The following PGD variants were observed in gnomAD, a reference collection of about 807,000 sequenced individuals.
The protein encoded by PGD is 6-phosphogluconate dehydrogenase, decarboxylating.
Under a neutral mutation model 60.4 loss-of-function variants are expected in PGD, and 21 were observed. The observed-to-expected ratio is 0.35, with a 90% confidence interval of 0.25 to 0.50. The LOEUF (loss-of-function observed/expected upper bound fraction) is 0.50. Ranked by LOEUF, PGD falls within the 20% of genes least tolerant of loss-of-function variation. The pLI, the probability that PGD is intolerant of heterozygous loss-of-function variation, is 0.98. For missense variants in PGD, 477 were observed against 613.1 expected (o/e 0.78, Z 2.34); for synonymous variants, 230 against 235.9 (o/e 0.97, Z 0.23).
rs552028291 is a variant in PGD at position 10,399,826 on chromosome 1, C to T, written c.84+122C>T. On this transcript the variant is annotated intron_variant, in intron 2 of 12. Coordinates refer to ENST00000270776, the MANE Select transcript of PGD (RefSeq NM_002631.4). ...TTTGCTAATGTGCTCTGTTGCTGCT[C>T]GTGGCATTTTTGTATGGAAAGGAGA... The T allele has an allele frequency of 1.3e-5, 11 of 845,806 alleles. 1 individual carries two copies. The highest frequency in any genetic ancestry group is 5.2e-5 in the East Asian group (2 of 38,640). 52.4% of individuals were successfully genotyped at this position (845,806 alleles called of 1,614,324 possible).
Position 10,399,115 on chromosome 1 carries a change from G to C in PGD, c.-3G>C, listed in dbSNP as rs1639263313. 6.2e-7 allele frequency: 1 copy of C among 1,609,464 alleles called. No individual in the cohort carries two copies. Among genetic ancestry groups the C allele is most frequent in the African/African-American group, 1.3e-5 (1 of 74,892 alleles). On this transcript the variant is annotated 5_prime_UTR_variant, in exon 1 of 13. Coordinates refer to ENST00000270776, the MANE Select transcript of PGD (RefSeq NM_002631.4). ...GCTCTTCGGTTCTGCTCTGTCCGCC[G>C]CCATGGCCCAGTGAGTGACTCGCCA...
At chr1:10,419,579 G>A (rs560262109) in intron 12 of PGD, 40 bp downstream of exon 12, 19 of 1,613,800 alleles carry the variant, frequency 1.2e-5, no homozygotes, top group South Asian at 1.1e-4. Flanking sequence ...CTGGCCCCTC[G>A]GGGGCGTGCG....
In PGD at chr1:10,420,254, A is replaced by G. The variant is rs577059758; in HGVS notation, c.*505A>G. ...AGACTAGAATAACACAAGAAACCAC[A>G]TTTAGGATTATGCTTCACTCAGAGG... On this transcript the variant is annotated 3_prime_UTR_variant, in exon 13 of 13. Coordinates refer to ENST00000270776, the MANE Select transcript of PGD (RefSeq NM_002631.4). The G allele has an allele frequency of 6.1e-4, 96 of 157,738 alleles. 2 individuals carry two copies. In the South Asian group the frequency reaches 0.017, roughly 28 times the overall value. The allele number at this position is 157,738 out of a possible 1,614,324, so 9.8% of individuals were successfully genotyped here. A position where few individuals can be genotyped will look rare whatever the true frequency, so the allele number is the denominator to read the frequency against.
Position 10,418,835 on chromosome 1 carries a change from A to G in PGD, c.1119A>G (p.Leu373=). Residue 373 remains leucine (L), a synonymous_variant, in exon 11 of 13, where the codon CTA becomes CTG. Coordinates refer to ENST00000270776, the MANE Select transcript of PGD (RefSeq NM_002631.4). ...CCCTTGATTATTTCAGTGTATTCCT[A>G]GGAAAGATAAAGGATGCATTTGATC... The part of the protein sequence containing the change: ...RGGCIIRSVF[L]GKIKDAFDRN... 6.4e-7 allele frequency: 1 copy of G among 1,570,546 alleles called. No homozygotes were observed. Among genetic ancestry groups the G allele is most frequent in the Non-Finnish European group, 8.8e-7 (1 of 1,141,992 alleles).
intron 6 of PGD, among the ~76,000 whole-genome samples, chr1:10,411,096 G>A (rs1376467898): frequency 2.0e-5 from 3 of 152,122 alleles, no homozygotes; most frequent in Admixed American, 6.6e-5. Context: ...GGGCTGGGAA[G>A]GTGGGGAGTT....
intron 7 of PGD, among the ~76,000 whole-genome samples, chr1:10,412,508 C>T (rs868537098): frequency 2.6e-5 from 4 of 152,146 alleles, no homozygotes; most frequent in Non-Finnish European, 4.4e-5. Flanking sequence ...CCTTAGTTTT[C>T]TTTCACAGAA....
intron 10 of PGD, among the ~76,000 whole-genome samples, 194 bp from the exon 11 acceptor site, chr1:10,418,632 G>T (rs1424123951): frequency 6.6e-6 from 1 of 151,956 alleles, no homozygotes; most frequent in Non-Finnish European, 1.5e-5. Flanking sequence ...AAAATTAGCC[G>T]GTTGTAGTGG....
At position 10,413,078 on chromosome 1, in the gene PGD, A is replaced by G. The variant is rs200926428; in HGVS notation, c.671A>G (p.Asn224Ser). Residue 224 changes from asparagine to serine, a missense_variant, in exon 8 of 13, where the codon AAT becomes AGT. Asn to Ser is a conservative substitution (Grantham distance 46). Coordinates refer to ENST00000270776, the MANE Select transcript of PGD (RefSeq NM_002631.4). ...DEMAQAFEDW[N>S]KTELDSFLIE... ...TGCATGTAGGCCTTTGAGGATTGGA[A>G]TAAGACAGAGCTAGACTCATTCCTG... 1.0e-4 allele frequency: 165 copies of G among 1,613,998 alleles called. No homozygotes were observed. Among genetic ancestry groups the G allele is most frequent in the Non-Finnish European group, 1.3e-4 (153 of 1,179,978 alleles).
intron 5 of PGD, among the ~76,000 whole-genome samples, 164 bp from the exon 6 acceptor site, chr1:10,407,907 C>T (rs972730050): frequency 5.3e-5 from 8 of 151,530 alleles, no homozygotes; most frequent in African/African-American, 1.9e-4. Context: ...TGAGATCACA[C>T]CACTGCATTC....
chr1:10,413,278 C>A, intron 8 of PGD, 27 bp downstream of exon 8: 2 of 1,585,858 alleles, frequency 1.3e-6, no homozygotes, highest in Non-Finnish European at 1.7e-6. Context: ...CACATGGGCC[C>A]TTTCGTCCAC....
At chr1:10,402,050 GTAA>G (rs930847378) in intron 3 of PGD, among the ~76,000 whole-genome samples, 87 of 151,798 alleles carry the variant, frequency 5.7e-4, no homozygotes, top group African/African-American at 1.9e-3. Context: ...AATTAATAAA[GTAA>G]TAATAATAAT....
chr1:10,408,847 G>A (rs1639450360), intron 6 of PGD, among the ~76,000 whole-genome samples: 1 of 152,316 alleles, frequency 6.6e-6, no homozygotes, highest in Non-Finnish European at 1.5e-5. Context: ...GGACTCTCAA[G>A]TCATCTGCCT....
rs534146547 is a variant in PGD at position 10,400,653 on chromosome 1, C to T, written c.264+81C>T. The T allele has an allele frequency of 3.6e-6, 4 of 1,108,114 alleles. No homozygotes were observed. In the Admixed American group the frequency reaches 1.2e-4, roughly 33 times the overall value. The allele number at this position is 1,108,114 out of a possible 1,614,324, so 68.6% of individuals were successfully genotyped here. On this transcript the variant is annotated intron_variant, in intron 3 of 12. Transcript: ENST00000270776. ...TCCTTTAGTTCTCCTTCTTTTAACT[C>T]TAGAGATTTTTTTTTTTCAATTTCT... is the stretch of plus-strand genomic sequence containing the variant.
intron 7 of PGD, 81 bp from the exon 8 acceptor site, chr1:10,412,981 T>G: frequency 8.3e-7 from 1 of 1,203,536 alleles, no homozygotes; most frequent in Non-Finnish European, 1.2e-6. Context: ...TGAGCATTGG[T>G]CAGCGTGGAC....
intron 3 of PGD, 93 bp from the exon 4 acceptor site, chr1:10,402,978 G>A: frequency 1.1e-6 from 1 of 894,444 alleles, no homozygotes; most frequent in Non-Finnish European, 1.9e-6. Context: ...ACTCTTTTTA[G>A]ACTATGTTTA....
chr1:10,411,258 A>G (rs887327021), intron 6 of PGD, among the ~76,000 whole-genome samples, 160 bp from the exon 7 acceptor site: 1 of 152,166 alleles, frequency 6.6e-6, no homozygotes, highest in Non-Finnish European at 1.5e-5. Flanking sequence ...TTGAATTGCT[A>G]TATGATTCTT....
chr1:10,402,648 G>T (rs896961853), intron 3 of PGD, among the ~76,000 whole-genome samples: 1 of 151,254 alleles, frequency 6.6e-6, no homozygotes, highest in African/African-American at 2.4e-5. Flanking sequence ...TCAGCCTCCC[G>T]AGTAGCTGGG....
Position 10,400,387 on chromosome 1 carries a change from T to C in PGD, c.85-6T>C. On this transcript the variant is annotated splice_region_variant and splice_polypyrimidine_tract_variant and intron_variant, in intron 2 of 12. Transcript: ENST00000270776. Reference sequence around the variant, plus strand: ...GATCTCCTACTCAGGACTTTTGTCCTTCTAGGTCTGTGCTTTTAATAGGAC... The same window carrying C: ...GATCTCCTACTCAGGACTTTTGTCCCTCTAGGTCTGTGCTTTTAATAGGAC... 1 of 1,610,138 alleles carries C rather than the reference T, an allele frequency of 6.2e-7. No homozygotes were observed. The highest frequency in any genetic ancestry group is 8.5e-7 in the Non-Finnish European group (1 of 1,177,088).
At chr1:10,404,984 T>C (rs569104015) in intron 5 of PGD, among the ~76,000 whole-genome samples, 1 of 152,304 alleles carries the variant, frequency 6.6e-6, no homozygotes, top group South Asian at 2.1e-4. Context: ...GAAGCTGCGG[T>C]GAATGATCAT....
Sources: gnomAD v4.1 joint callset for allele counts (sites outside exome capture counted in the v4.1 genomes callset) on GRCh38, gnomAD v4.1.1 for gene constraint, MANE v1.5 for transcripts, NCBI Gene and HGNC (gene_info 2026-07-23, HGNC 2026-07-21) for gene names.